NLRP14: variants seen among roughly 807,000 people sequenced by gnomAD.
NLRP14 encodes the protein NACHT, LRR and PYD domains-containing protein 14.
In NLRP14, 105 loss-of-function variants were observed where a neutral mutation model predicts 94.7. That is an observed-to-expected ratio of 1.11 (90% CI 0.95 to 1.30). NLRP14 has a LOEUF of 1.30. Among genes scored for constraint, NLRP14 ranks in the 50% most tolerant of loss-of-function variants. The pLI is 0.00. For missense variants in NLRP14, 1,362 were observed against 1,254.1 expected, an observed-to-expected ratio of 1.09 and a Z score of -1.30; for synonymous variants, 508 against 459.9, an observed-to-expected ratio of 1.10 and a Z score of -1.34.
chr11:7,089,060 C>T, the NLRP14 span: 5 of 1,564,520 alleles, frequency 3.2e-6, no homozygotes, highest in Non-Finnish European at 4.4e-6. Context: ...AGCTCGAAGG[C>T]TGCGACTGGC....
chr11:7,028,299 C>A (rs779918274), intron 1 of NLRP14, among the ~76,000 whole-genome samples: 7 of 152,104 alleles, frequency 4.6e-5, no homozygotes, highest in Non-Finnish European at 1.0e-4. Context: ...TTAGATTTGC[C>A]TTTGACTCCT....
chr11:7,023,398 T>C (rs1851971509), intron 1 of NLRP14, among the ~76,000 whole-genome samples: 1 of 145,226 alleles, frequency 6.9e-6, no homozygotes, highest in African/African-American at 2.5e-5. Flanking sequence ...GGAAATTTTT[T>C]ATATAAAAAC....
the NLRP14 span, among the ~76,000 whole-genome samples, chr11:7,081,386 A>G: frequency 6.6e-6 from 1 of 152,204 alleles, no homozygotes; most frequent in African/African-American, 2.4e-5. Flanking sequence ...AGATAGTATC[A>G]CCCAAGATGG....
chr11:7,047,768 C>CTT (rs1184391006), intron 5 of NLRP14, among the ~76,000 whole-genome samples: 2 of 129,588 alleles, frequency 1.5e-5, no homozygotes, highest in East Asian at 2.2e-4. Context: ...CTTTTCTTTT[C>CTT]TTTTTTTTTT....
chr11:7,079,409 C>T, the NLRP14 span, among the ~76,000 whole-genome samples: 5 of 152,146 alleles, frequency 3.3e-5, no homozygotes, highest in African/African-American at 1.2e-4. Flanking sequence ...AATTCTCTGC[C>T]ATTAGTTGTA....
the NLRP14 span, among the ~76,000 whole-genome samples, chr11:7,084,450 A>G: frequency 1.3e-5 from 2 of 152,162 alleles, no homozygotes; most frequent in Non-Finnish European, 2.9e-5. Context: ...TTAGAGGTGG[A>G]GAATTTTCAG....
intron 1 of NLRP14, among the ~76,000 whole-genome samples, chr11:7,026,177 C>T (rs1194512811): frequency 6.6e-6 from 1 of 152,134 alleles, no homozygotes; most frequent in Non-Finnish European, 1.5e-5. Flanking sequence ...AACTGAAGAG[C>T]TTCTGCACAG....
chr11:7,089,663 C>T, the NLRP14 span: 1 of 1,451,086 alleles, frequency 6.9e-7, no homozygotes, highest in Non-Finnish European at 9.1e-7. Context: ...GCGGGAGGGC[C>T]CTGGCCGTGC....
the NLRP14 span, among the ~76,000 whole-genome samples, chr11:7,081,958 G>T: frequency 3.9e-5 from 6 of 152,228 alleles, no homozygotes; most frequent in African/African-American, 1.4e-4. Context: ...CTGGTGAACA[G>T]CCCCCACCCT....
chr11:7,061,567 C>A (rs1317066732), intron 9 of NLRP14, among the ~76,000 whole-genome samples: 1 of 151,980 alleles, frequency 6.6e-6, no homozygotes, highest in Non-Finnish European at 1.5e-5. Flanking sequence ...ATGCTTTTGT[C>A]CCCAAATAAC....
chr11:7,050,401 T>C (rs527628922), intron 6 of NLRP14, among the ~76,000 whole-genome samples: 98 of 152,326 alleles, frequency 6.4e-4, no homozygotes, highest in Non-Finnish European at 1.3e-3. Flanking sequence ...CTTTGGCCGA[T>C]GAAAGTGAAA....
chr11:7,056,994 T>A (rs1852525722), intron 6 of NLRP14, among the ~76,000 whole-genome samples: 1 of 151,894 alleles, frequency 6.6e-6, no homozygotes, highest in Admixed American at 6.6e-5. Flanking sequence ...AGTTGGTAAG[T>A]CTTTGATTAT....
intron 3 of NLRP14, among the ~76,000 whole-genome samples, chr11:7,040,473 C>T (rs1565015200): frequency 6.6e-6 from 1 of 152,190 alleles, no homozygotes; most frequent in South Asian, 2.1e-4. Flanking sequence ...ATCATCTCCC[C>T]TCCCTGCCCT....
chr11:7,072,824 C>T (rs1227336038), downstream of NLRP14, among the ~76,000 whole-genome samples: 3 of 152,138 alleles, frequency 2.0e-5, no homozygotes, highest in Non-Finnish European at 4.4e-5. Flanking sequence ...TTGGAGGAGT[C>T]CTTTCCTTCC....
At chr11:7,060,214 A>G in intron 9 of NLRP14, 150 bp downstream of exon 9, 1 of 759,038 alleles carries the variant, frequency 1.3e-6, no homozygotes. Flanking sequence ...AAGCTGGGGA[A>G]GTCTGCTCAT....
chr11:7,029,947 T>G (rs1286849189), intron 1 of NLRP14, among the ~76,000 whole-genome samples: 1 of 152,184 alleles, frequency 6.6e-6, no homozygotes, highest in Non-Finnish European at 1.5e-5. Flanking sequence ...GAGTGTACAT[T>G]TTCTTAATGC....
the NLRP14 span, among the ~76,000 whole-genome samples, chr11:7,086,684 GATCTTGAT>G: frequency 6.6e-6 from 1 of 151,998 alleles, no homozygotes; most frequent in African/African-American, 2.4e-5. Context: ...CCCAAACTTT[GATCTTGAT>G]CCTATCATTT....
intron 6 of NLRP14, 53 bp from the exon 7 acceptor site, chr11:7,057,624 T>C: frequency 6.5e-7 from 1 of 1,542,484 alleles, no homozygotes; most frequent in Non-Finnish European, 9.0e-7. Flanking sequence ...AGGTGTTGGT[T>C]GTAATTATTC....
At chr11:7,039,581 C>G in intron 2 of NLRP14, 133 bp from the exon 3 acceptor site, 2 of 779,082 alleles carry the variant, frequency 2.6e-6, no homozygotes, top group East Asian at 4.9e-5. Flanking sequence ...GAGGCTCTGG[C>G]AGCTCTAGTT....
Sources: allele counts gnomAD v4.1 joint callset (sites outside exome capture counted in the v4.1 genomes callset), GRCh38; gene constraint gnomAD v4.1.1; transcripts MANE v1.5; gene names NCBI Gene and HGNC (gene_info 2026-07-23, HGNC 2026-07-21).